The following THRB variants were observed in gnomAD, a reference collection of about 807,000 sequenced individuals.
THRB encodes thyroid hormone receptor beta, also known as nuclear receptor subfamily 1 group A member 2.
Under a neutral mutation model 47.8 loss-of-function variants are expected in THRB, and 12 were observed. The ratio of observed to expected loss-of-function variants is 0.25; its 90% CI spans 0.16 to 0.41. The LOEUF (loss-of-function observed/expected upper bound fraction) is 0.41, where lower values mean the gene tolerates loss of function less well. Ranked by LOEUF, THRB falls within the 10% of genes least tolerant of loss-of-function variation. The probability of loss-of-function intolerance (pLI) is 1.00; values close to 1 mark genes in which losing one functional copy is unlikely to be tolerated. For missense variants in THRB, 348 were observed against 589.2 expected (o/e 0.59, Z 4.24); for synonymous variants, 218 against 212.2 (o/e 1.03, Z -0.24).
chr3:24,385,724 G>C (rs1186296435), intron 1 of THRB, among the ~76,000 whole-genome samples: 1 of 152,052 alleles, frequency 6.6e-6, no homozygotes, highest in Non-Finnish European at 1.5e-5. Flanking sequence ...GAGACAACTG[G>C]AACTACCTGA....
chr3:24,240,116 A>C (rs1451867859), intron 3 of THRB, among the ~76,000 whole-genome samples: 1 of 152,160 alleles, frequency 6.6e-6, no homozygotes, highest in Non-Finnish European at 1.5e-5. Flanking sequence ...AATCAGTGAA[A>C]AGTCTAGAAG....
At chr3:24,272,984 A>G (rs184700841) in intron 3 of THRB, among the ~76,000 whole-genome samples, 1 of 152,332 alleles carries the variant, frequency 6.6e-6, no homozygotes, top group African/African-American at 2.4e-5. Context: ...GTTTTGACTC[A>G]GAGTTTCAGA....
At chr3:24,328,128 T>C (rs1505294) in intron 2 of THRB, among the ~76,000 whole-genome samples, 43,458 of 152,048 alleles carry the variant, frequency 0.29, 6,552 homozygotes, top group Admixed American at 0.4. Context: ...GATTAAATAA[T>C]GTTGGCGAGG....
At chr3:24,458,998 G>C (rs1004264063) in intron 1 of THRB, 1 of 151,692 alleles carries the variant, frequency 6.6e-6, no homozygotes, top group South Asian at 2.1e-4. Flanking sequence ...TGCGGTACAT[G>C]TGCAGAACGT....
chr3:24,271,885 C>A (rs866964533), intron 3 of THRB, among the ~76,000 whole-genome samples: 6 of 152,022 alleles, frequency 3.9e-5, no homozygotes, highest in African/African-American at 9.7e-5. Flanking sequence ...ATATTTATCA[C>A]ATGGTAAATG....
At chr3:24,227,125 T>C (rs1032527269) in intron 4 of THRB, among the ~76,000 whole-genome samples, 2 of 152,216 alleles carry the variant, frequency 1.3e-5, no homozygotes, top group African/African-American at 4.8e-5. Flanking sequence ...TGAGTCCAGA[T>C]CTTTGGACAC....
chr3:24,269,478 G>A (rs1323707853), intron 3 of THRB, among the ~76,000 whole-genome samples: 1 of 151,868 alleles, frequency 6.6e-6, no homozygotes, highest in Non-Finnish European at 1.5e-5. Context: ...AGGCTGGAGT[G>A]CAATGACACC....
At chr3:24,436,173 C>T (rs2125337467) in intron 1 of THRB, among the ~76,000 whole-genome samples, 1 of 151,896 alleles carries the variant, frequency 6.6e-6, no homozygotes, top group African/African-American at 2.4e-5. Flanking sequence ...CTGTGCTTTT[C>T]TCATGGTAGG....
Position 24,379,366 on chromosome 3 carries a change from C to T in THRB, c.-260-41995G>A, listed in dbSNP as rs370617878. On this transcript the variant is annotated intron_variant, in intron 1 of 10. Coordinates refer to ENST00000646209, the MANE Select transcript of THRB (RefSeq NM_001354712.2). ...CTGCTATTTGTTAGCTGTTGAGCTC[C>T]CATAAGGGAGAGTCAAGGGTACAAA... Among the ~76,000 whole-genome samples, 43 of 152,162 alleles carry T rather than the reference C, an allele frequency of 2.8e-4. 1 individual carries two copies. Among genetic ancestry groups the T allele is most frequent in the South Asian group, 2.3e-3 (11 of 4,804 alleles).
At chr3:24,479,974 C>A (rs1382652347) in intron 1 of THRB, among the ~76,000 whole-genome samples, 1 of 152,194 alleles carries the variant, frequency 6.6e-6, no homozygotes, top group Non-Finnish European at 1.5e-5. Context: ...AATACCTACT[C>A]CCTTGCCTCT....
At chr3:24,344,745 GA>G (rs1044884146) in intron 1 of THRB, among the ~76,000 whole-genome samples, 6 of 151,820 alleles carry the variant, frequency 4.0e-5, no homozygotes, top group Admixed American at 1.3e-4. Flanking sequence ...TTACTCCTGT[GA>G]TACACTTGGA....
intron 1 of THRB, among the ~76,000 whole-genome samples, chr3:24,464,022 G>A (rs1450208288): frequency 7.2e-5 from 11 of 152,220 alleles, no homozygotes; most frequent in Non-Finnish European, 1.0e-4. Context: ...CGAGGTGGGC[G>A]GATCACGAGG....
At chr3:24,269,395 G>A (rs867559753) in intron 3 of THRB, among the ~76,000 whole-genome samples, 37 of 97,782 alleles carry the variant, frequency 3.8e-4, no homozygotes, top group African/African-American at 1.1e-3. Context: ...ACACGCGCGC[G>A]CGCGCGCGCA....
intron 3 of THRB, among the ~76,000 whole-genome samples, chr3:24,293,363 T>G (rs1210968288): frequency 6.6e-6 from 1 of 152,128 alleles, no homozygotes; most frequent in South Asian, 2.1e-4. Context: ...GAGAAAGGAA[T>G]GAAAATCAAC....
intron 3 of THRB, among the ~76,000 whole-genome samples, chr3:24,284,326 G>A (rs1402804599): frequency 1.3e-5 from 2 of 151,592 alleles, no homozygotes; most frequent in Admixed American, 6.6e-5. Flanking sequence ...AACAAGCAAT[G>A]GGGAAAGGAT....
At chr3:24,452,392 C>T (rs2072748834) in intron 1 of THRB, among the ~76,000 whole-genome samples, 1 of 152,080 alleles carries the variant, frequency 6.6e-6, no homozygotes. Context: ...TCCCATCCAA[C>T]ATTTTCACAT....
chr3:24,143,702 C>T lies in THRB; in HGVS notation c.537G>A (p.Val179=), dbSNP rs1559443392. The change falls in exon 8 of 11, where the codon GTG becomes GTA. Residue 179 remains valine (V), a synonymous_variant. Coordinates refer to ENST00000646209, the MANE Select transcript of THRB (RefSeq NM_001354712.2). The stretch of plus-strand genomic sequence containing the variant: ...TGGCCAGCCTCTTGCTGTCATCCAG[C>T]ACCACTGGGAGGGGGAGAAAGATGA... ...CIYVGMATDL[V]LDDSKRLAKR... The T allele has an allele frequency of 6.2e-7, 1 of 1,614,118 alleles. No homozygotes were observed. Among genetic ancestry groups the T allele is most frequent in the Non-Finnish European group, 8.5e-7 (1 of 1,180,002 alleles).
At chr3:24,138,197 G>C (rs2034948929) in intron 8 of THRB, among the ~76,000 whole-genome samples, 1 of 152,110 alleles carries the variant, frequency 6.6e-6, no homozygotes, top group African/African-American at 2.4e-5. Flanking sequence ...GCTTGAAAAG[G>C]TAACTCTCTG....
chr3:24,456,280 A>G (rs895953144), intron 1 of THRB, among the ~76,000 whole-genome samples: 8 of 152,040 alleles, frequency 5.3e-5, no homozygotes, highest in Non-Finnish European at 1.2e-4. Context: ...GGCTGCAGTG[A>G]GCCATGATAG....
Sources: allele counts gnomAD v4.1 joint callset (sites outside exome capture counted in the v4.1 genomes callset), GRCh38; gene constraint gnomAD v4.1.1; transcripts MANE v1.5; gene names NCBI Gene and HGNC (gene_info 2026-07-23, HGNC 2026-07-21).